ACTG1: variants seen among roughly 807,000 people sequenced by gnomAD.
ACTG1 encodes actin gamma 1.
A neutral mutation model predicts 34.3 loss-of-function variants in ACTG1; 14 were observed. The observed-to-expected ratio is 0.41, with a 90% confidence interval of 0.27 to 0.64. The LOEUF is 0.64. Ranked by LOEUF, ACTG1 falls within the 30% of genes least tolerant of loss-of-function variation. The pLI is 0.33. For synonymous variants in ACTG1, 422 were observed against 213.9 expected, an observed-to-expected ratio of 1.97 and a Z score of -8.49; for missense variants, 233 against 529.5, an observed-to-expected ratio of 0.44 and a Z score of 5.50.
chr17:81,510,475 A>AT lies in ACTG1; in HGVS notation c.*214dup. 1 of 726,718 alleles carries AT rather than the reference A, an allele frequency of 1.4e-6. No homozygotes were observed. Among genetic ancestry groups the AT allele is most frequent in the Non-Finnish European group, 2.4e-6 (1 of 411,784 alleles). The allele number at this position is 726,718 out of a possible 1,614,324, so 45.0% of individuals were successfully genotyped here. On this transcript the variant is annotated 3_prime_UTR_variant, in exon 6 of 6. Transcript: ENST00000573283. ...AAGATATGTACAGGGTATTAAACAA[A>AT]TACCAAGGGGAACAGTTAACTTCAA...
chr17:81,510,457 G>A lies in ACTG1; in HGVS notation c.*233C>T, dbSNP rs1472711713. 21 of 682,734 alleles carry A rather than the reference G, an allele frequency of 3.1e-5. No homozygotes were observed. The highest frequency in any genetic ancestry group is 3.8e-4 in the Middle Eastern group (1 of 2,622). 42.3% of individuals were successfully genotyped at this position (682,734 alleles called of 1,614,324 possible). ...TACTAAAGGTTGAACTCAAAGATAT[G>A]TACAGGGTATTAAACAAATACCAAG... is the stretch of plus-strand genomic sequence containing the variant. On this transcript the variant is annotated 3_prime_UTR_variant, in exon 6 of 6. Coordinates refer to ENST00000573283, the MANE Select transcript of ACTG1 (RefSeq NM_001614.5).
In ACTG1 at chr17:81,511,576, G is replaced by A. The variant is rs143978597; in HGVS notation, c.414C>T (p.Ala138=). ...GCCCAGAGGCGTAGAGGGACAGCAC[G>A]GCCTGGATGGCCACGTACATGGCCG... ...NTPAMYVAIQ[A]VLSLYASGRT... Residue 138 remains alanine, a synonymous_variant, in exon 4 of 6, where the codon GCC becomes GCT. Transcript: ENST00000573283. 709 of 1,613,820 alleles carry A rather than the reference G, an allele frequency of 4.4e-4. 7 individuals carry two copies. In the Middle Eastern group the frequency reaches 0.018, roughly 41 times the overall value.
At position 81,511,200 on chromosome 17, in the gene ACTG1, G is replaced by A. The variant is rs782049546; in HGVS notation, c.790C>T (p.Pro264Ser). The change falls in exon 4 of 6, where the codon CCT becomes TCT. Residue 264 changes from proline to serine, a missense_variant. Coordinates refer to ENST00000573283, the MANE Select transcript of ACTG1 (RefSeq NM_001614.5). The stretch of plus-strand genomic sequence containing the variant: ...TCACAACACCTACCCAGGAAGGAAG[G>A]CTGGAACAGCGCCTCCGGACACCGG... Reference protein sequence around the residue: ...RFRCPEALFQPSFLGMESCGI... With the variant: ...RFRCPEALFQSSFLGMESCGI... 3 of 1,613,706 alleles carry A rather than the reference G, an allele frequency of 1.9e-6. No individual in the cohort carries two copies. The highest frequency in any genetic ancestry group is 3.3e-5 in the Admixed American group (2 of 60,028).
At chr17:81,511,680 A>G (rs2031790390) in intron 3 of ACTG1, 54 bp from the exon 4 acceptor site, 1 of 1,571,316 alleles carries the variant, frequency 6.4e-7, no homozygotes. Context: ...CGGCCACCCC[A>G]TGCTCACACG....
intron 3 of ACTG1, 125 bp from the exon 4 acceptor site, chr17:81,511,751 C>CAA: frequency 6.5e-7 from 1 of 1,526,744 alleles, no homozygotes; most frequent in Non-Finnish European, 8.9e-7. Context: ...AGGCAGAAAC[C>CAA]AAATGAGAAA....
chr17:81,511,092 G>A lies in ACTG1; in HGVS notation c.819C>T (p.Gly273=), dbSNP rs782464947. 9.9e-6 allele frequency: 16 copies of A among 1,613,876 alleles called. 1 individual carries two copies. The highest frequency in any genetic ancestry group is 1.7e-5 in the Admixed American group (1 of 60,002). The stretch of plus-strand genomic sequence containing the variant: ...TGGAGTTGAAGGTGGTCTCGTGGAT[G>A]CCGCAAGATTCCATACCTAGGGGAC... The part of the protein sequence containing the change: ...QPSFLGMESC[G]IHETTFNSIM... The change falls in exon 5 of 6, where the codon GGC becomes GGT. Residue 273 remains glycine, a synonymous_variant. Transcript: ENST00000573283.
At chr17:81,511,692 C>T (rs115792203) in intron 3 of ACTG1, 66 bp from the exon 4 acceptor site, 5 of 1,553,200 alleles carry the variant, frequency 3.2e-6, no homozygotes, top group African/African-American at 1.4e-5. Flanking sequence ...GCTCACACGC[C>T]ACAACATGCT....
rs781905348 is a variant in ACTG1, at chr17:81,510,581, G to A, written c.*109C>T. ...GCTTCAAGGACAATTTCTTTTCGAA[G>A]GCTTATTCCAGTTTCGTGAGGCTAG... On this transcript the variant is annotated 3_prime_UTR_variant, in exon 6 of 6. Transcript: ENST00000573283. 1.4e-6 allele frequency: 2 copies of A among 1,394,808 alleles called. No individual in the cohort carries two copies. The highest frequency in any genetic ancestry group is 1.0e-6 in the Non-Finnish European group (1 of 984,058). The allele number at this position is 1,394,808 out of a possible 1,614,324, so 86.4% of individuals were successfully genotyped here. A position where few individuals can be genotyped will look rare whatever the true frequency, so the allele number is the denominator to read the frequency against.
In ACTG1 at chr17:81,510,593, T is replaced by C. The variant is rs1293672552; in HGVS notation, c.*97A>G. ...ATTTCTTTTCGAAGGCTTATTCCAG[T>C]TTCGTGAGGCTAGCATGAGGTGTGT... On this transcript the variant is annotated 3_prime_UTR_variant, in exon 6 of 6. Coordinates refer to ENST00000573283, the MANE Select transcript of ACTG1 (RefSeq NM_001614.5). The C allele has an allele frequency of 4.7e-6, 7 of 1,493,504 alleles. No homozygotes were observed. In the African/African-American group the frequency reaches 8.3e-5, roughly 18 times the overall value. 92.5% of individuals were successfully genotyped at this position (1,493,504 alleles called of 1,614,324 possible).
intron 1 of ACTG1, 66 bp downstream of exon 1, chr17:81,512,668 G>A (rs1483968845): frequency 2.9e-5 from 12 of 413,538 alleles, no homozygotes; most frequent in African/African-American, 2.4e-4. Context: ...CTGGAAGCGG[G>A]GCCAGCCGGG....
rs1598548869 is a variant in ACTG1, at chr17:81,511,477, G to T, written c.513C>A (p.Leu171=). The change falls in exon 4 of 6, where the codon CTC becomes CTA. Residue 171 remains leucine (L), a synonymous_variant. Transcript: ENST00000573283. ...GGTCCAGACGCAGGATGGCGTGGGG[G>T]AGGGCGTAGCCCTCGTAGATGGGCA... ...HTVPIYEGYA[L]PHAILRLDLA... 2 of 1,613,892 alleles carry T rather than the reference G, an allele frequency of 1.2e-6. No homozygotes were observed. Among genetic ancestry groups the T allele is most frequent in the African/African-American group, 1.3e-5 (1 of 75,064 alleles).
chr17:81,510,669 C>CCG lies in ACTG1; in HGVS notation c.*20_*21insCG. The CCG allele has an allele frequency of 6.2e-7, 1 of 1,613,598 alleles. No homozygotes were observed. The highest frequency in any genetic ancestry group is 8.5e-7 in the Non-Finnish European group (1 of 1,179,934). ...TCTCAATTAACCCATGCAGCAAATGCTACGCATCTGCTGAGTCCGTTTAGA... is the reference window on the plus strand; with the variant it reads ...TCTCAATTAACCCATGCAGCAAATGCCGTACGCATCTGCTGAGTCCGTTTAGA... On this transcript the variant is annotated 3_prime_UTR_variant, in exon 6 of 6. Transcript: ENST00000573283.
intron 1 of ACTG1, 121 bp downstream of exon 1, chr17:81,512,613 A>C (rs1555667447): frequency 1.8e-6 from 1 of 558,076 alleles, no homozygotes; most frequent in Non-Finnish European, 3.1e-6. Flanking sequence ...GACCCGGCCC[A>C]CCCCGCCTTT....
At chr17:81,510,878 C>T in intron 5 of ACTG1, 45 bp from the exon 6 acceptor site, 1 of 1,610,424 alleles carries the variant, frequency 6.2e-7, no homozygotes, top group Non-Finnish European at 8.5e-7. Flanking sequence ...GAGCGCCCCC[C>T]AGTCAGCTCT....
chr17:81,510,677 C>T lies in ACTG1; in HGVS notation c.*13G>A, dbSNP rs782191898. 1.9e-6 allele frequency: 3 copies of T among 1,613,594 alleles called. No individual in the cohort carries two copies. On this transcript the variant is annotated 3_prime_UTR_variant, in exon 6 of 6. Coordinates refer to ENST00000573283, the MANE Select transcript of ACTG1 (RefSeq NM_001614.5). ...AACCCATGCAGCAAATGCTACGCATCTGCTGAGTCCGTTTAGAAGCATTTG... is the reference window on the plus strand; with the variant it reads ...AACCCATGCAGCAAATGCTACGCATTTGCTGAGTCCGTTTAGAAGCATTTG...
Position 81,510,795 on chromosome 17 carries a change from G to A in ACTG1, c.1023C>T (p.Ile341=), listed in dbSNP as rs140865670. 34 of 1,613,442 alleles carry A rather than the reference G, an allele frequency of 2.1e-5. No homozygotes were observed. The highest frequency in any genetic ancestry group is 3.3e-4 in the Middle Eastern group (2 of 6,082). The part of the protein sequence containing the change: ...APPERKYSVW[I]GGSILASLST... ...ACAGTGAGGCCAGGATGGAGCCACCGATCCACACCGAGTACTTGCGCTCTG... is the reference window on the plus strand; with the variant it reads ...ACAGTGAGGCCAGGATGGAGCCACCAATCCACACCGAGTACTTGCGCTCTG... Residue 341 remains isoleucine, a synonymous_variant, in exon 6 of 6, where the codon ATC becomes ATT. Transcript: ENST00000573283.
chr17:81,511,788 G>T lies in ACTG1; in HGVS notation c.363+115C>A, dbSNP rs545109300. On this transcript the variant is annotated intron_variant, in intron 3 of 5. Transcript: ENST00000573283. The stretch of plus-strand genomic sequence containing the variant: ...CTGGAGGCTTCAGGGAGGAAATGCC[G>T]GGAGAGGAACAGAGCCTGGAACAGC... 1.0e-4 allele frequency: 160 copies of T among 1,571,734 alleles called. 3 individuals carry two copies. In the South Asian group the frequency reaches 1.6e-3, roughly 15 times the overall value.
Position 81,510,074 on chromosome 17 carries a change from AAAGAATCGAG to A in ACTG1, c.*606_*615del, listed in dbSNP as rs1555666003. On this transcript the variant is annotated 3_prime_UTR_variant, in exon 6 of 6. Transcript: ENST00000573283. ...AACCAAAATTTGTTGTCATCTCTTC[AAAGAATCGAG>A]AATTGCGTACAAAAAAAACCTTACA... 2.2e-6 allele frequency: 1 copy of A among 456,312 alleles called. No individual in the cohort carries two copies. Among genetic ancestry groups the A allele is most frequent in the East Asian group, 6.9e-5 (1 of 14,402 alleles). 28.3% of individuals were successfully genotyped at this position (456,312 alleles called of 1,614,324 possible). A position where few individuals can be genotyped will look rare whatever the true frequency, so the allele number is the denominator to read the frequency against.
chr17:81,511,767 A>C, intron 3 of ACTG1, 136 bp downstream of exon 3: 1 of 1,539,988 alleles, frequency 6.5e-7, no homozygotes, highest in South Asian at 1.2e-5. Flanking sequence ...AGAAACCTGG[A>C]GGCTTCAGGG....
Sources: gnomAD v4.1 joint callset for allele counts on GRCh38, gnomAD v4.1.1 for gene constraint, MANE v1.5 for transcripts, NCBI Gene and HGNC (gene_info 2026-07-23, HGNC 2026-07-21) for gene names.